The following GYG2 variants were observed in gnomAD, a reference collection of about 807,000 sequenced individuals.
The protein encoded by GYG2 is glycogenin-2.
Under a neutral mutation model 29.4 loss-of-function variants are expected in GYG2, and 29 were observed. The ratio of observed to expected loss-of-function variants is 0.99; its 90% CI spans 0.74 to 1.35. The LOEUF is 1.35. Ranked by LOEUF, GYG2 falls within the 40% of genes most tolerant of loss-of-function variation. The pLI is 0.00. For synonymous variants in GYG2, 167 were observed against 172.3 expected, an observed-to-expected ratio of 0.97 and a Z score of 0.24; for missense variants, 370 against 385.7, an observed-to-expected ratio of 0.96 and a Z score of 0.34.
Position 2,861,526 on chromosome X carries a change from G to A in GYG2, c.842G>A (p.Cys281Tyr), listed in dbSNP as rs951388045. Residue 281 changes from cysteine to tyrosine, a missense_variant, in exon 8 of 11, where the codon TGC becomes TAC. Coordinates refer to ENST00000398806, the MANE Select transcript of GYG2 (RefSeq NM_001079855.2). ...CACGTGTGTGTTTTTGTGCAGCTTT[G>A]CCACAGTGATGTGGGGGGGCCGTGT... is the stretch of plus-strand genomic sequence containing the variant. ...EARASPGHTLCHSDVGGPCAD... is the reference protein window; with the variant it reads ...EARASPGHTLYHSDVGGPCAD... 8.3e-7 allele frequency: 1 copy of A among 1,203,383 alleles called. No individual in the cohort carries two copies. Among genetic ancestry groups the A allele is most frequent in the African/African-American group, 1.7e-5 (1 of 57,667 alleles).
chrX:2,861,616 G>A lies in GYG2; in HGVS notation c.932G>A (p.Cys311Tyr), dbSNP rs1254279929. Residue 311 changes from cysteine (C) to tyrosine (Y), a missense_variant, in exon 8 of 11, where the codon TGT becomes TAT. Coordinates refer to ENST00000398806, the MANE Select transcript of GYG2 (RefSeq NM_001079855.2). ...ENSTPSAGVPCANSPLGSNQP... is the reference protein window; with the variant it reads ...ENSTPSAGVPYANSPLGSNQP... ...TCAACACCCAGTGCGGGCGTGCCGT[G>A]TGCAAATTCACCACTGGGTTCTAAC... The A allele has an allele frequency of 3.3e-6, 4 of 1,207,120 alleles. No individual in the cohort carries two copies. Among genetic ancestry groups the A allele is most frequent in the South Asian group, 3.5e-5 (2 of 56,413 alleles).
At chrX:2,849,305 A>T (rs1330463168) in intron 3 of GYG2, among the ~76,000 whole-genome samples, 2 of 111,478 alleles carry the variant, frequency 1.8e-5, no homozygotes, top group Non-Finnish European at 3.8e-5. Context: ...GATTTGCTGA[A>T]GGAAGGGTAC....
intron 8 of GYG2, among the ~76,000 whole-genome samples, chrX:2,871,689 CAAATAAATAAAT>C (rs200105400): frequency 0.03 from 3,012 of 99,964 alleles, 115 homozygotes; most frequent in African/African-American, 0.095. Context: ...GACTCCGTCT[CAAATAAATAAAT>C]AAATAAATAA....
chrX:2,851,853 G>T (rs2087879703), intron 3 of GYG2, among the ~76,000 whole-genome samples: 1 of 112,261 alleles, frequency 8.9e-6, no homozygotes, highest in African/African-American at 3.2e-5. Flanking sequence ...TTACTATAGT[G>T]TTTGCCTAAT....
chrX:2,877,068 C>A, intron 9 of GYG2, 132 bp from the exon 10 acceptor site: 1 of 872,396 alleles, frequency 1.1e-6, no homozygotes, highest in Non-Finnish European at 1.6e-6. Flanking sequence ...CAGGCATGAG[C>A]CACCGCGCCT....
intron 3 of GYG2, among the ~76,000 whole-genome samples, chrX:2,847,355 A>G (rs559493520): frequency 2.7e-5 from 3 of 110,495 alleles, no homozygotes; most frequent in African/African-American, 6.6e-5. Flanking sequence ...GAGAAAGTCA[A>G]TGATAAGATC....
chrX:2,860,128 G>C (rs1369642730), intron 7 of GYG2, 63 bp downstream of exon 7: 2 of 711,869 alleles, frequency 2.8e-6, no homozygotes, highest in African/African-American at 4.4e-5. Context: ...TGTCACCAAG[G>C]TCTGGCGTGG....
chrX:2,842,870 A>G, intron 2 of GYG2: 1 of 281,266 alleles, frequency 3.6e-6, no homozygotes, highest in Admixed American at 5.2e-5. Context: ...GCTGGAGTAC[A>G]GTGGTGCAAT....
rs2088115721 is a variant in GYG2, at chrX:2,859,903, G to A, written c.675G>A (p.Lys225=). The change falls in exon 7 of 11, where the codon AAG becomes AAA. Residue 225 remains lysine (K), a synonymous_variant. Transcript: ENST00000398806. ...FLGSMKPWNY[K]YNPQSGSVLE... Reference sequence around the variant, plus strand: ...GGTCCATGAAACCTTGGAACTACAAGTACAATCCACAGAGTGGCTCGGTGT... The same window carrying A: ...GGTCCATGAAACCTTGGAACTACAAATACAATCCACAGAGTGGCTCGGTGT... The A allele has an allele frequency of 8.3e-7, 1 of 1,204,555 alleles. No homozygotes were observed.
intron 2 of GYG2, among the ~76,000 whole-genome samples, chrX:2,834,061 C>G (rs2034126081): frequency 1.8e-5 from 2 of 112,395 alleles, no homozygotes; most frequent in Admixed American, 1.9e-4. Flanking sequence ...TCCTGTGGGT[C>G]CTTGTTCTCC....
chrX:2,873,516 C>T (rs2088523085), intron 8 of GYG2, among the ~76,000 whole-genome samples: 1 of 108,703 alleles, frequency 9.2e-6, no homozygotes, highest in Admixed American at 9.9e-5. Context: ...CTGTTTTCTC[C>T]TCCTCCTCCT....
intron 8 of GYG2, among the ~76,000 whole-genome samples, chrX:2,863,097 C>T (rs1280376633): frequency 1.9e-5 from 2 of 103,940 alleles, no homozygotes; most frequent in African/African-American, 3.5e-5. Context: ...TTTTTTGAGG[C>T]GGAGTCTCTC....
At chrX:2,833,355 T>A (rs1274755102) in intron 2 of GYG2, among the ~76,000 whole-genome samples, 2 of 111,056 alleles carry the variant, frequency 1.8e-5, no homozygotes, top group African/African-American at 3.3e-5. Context: ...CATCTTCAAA[T>A]GCAGACACAT....
chrX:2,855,242 C>A, intron 5 of GYG2, 87 bp downstream of exon 5: 1 of 821,318 alleles, frequency 1.2e-6, no homozygotes, highest in Non-Finnish European at 1.8e-6. Flanking sequence ...GTTGACCATA[C>A]AGTCACACCT....
At chrX:2,856,399 G>A (rs904414897) in intron 5 of GYG2, 99 bp from the exon 6 acceptor site, 2 of 717,027 alleles carry the variant, frequency 2.8e-6, no homozygotes, top group African/African-American at 4.2e-5. Flanking sequence ...TAACCCTGAA[G>A]GCAAGTGTTT....
chrX:2,881,001 C>G (rs1466099220), intron 10 of GYG2, 51 bp from the exon 11 acceptor site: 1 of 1,151,621 alleles, frequency 8.7e-7, no homozygotes, highest in African/African-American at 1.8e-5. Flanking sequence ...CAGTCTTTCC[C>G]TCGATAATGG....
At chrX:2,867,059 C>T (rs1332177507) in intron 8 of GYG2, among the ~76,000 whole-genome samples, 3 of 111,593 alleles carry the variant, frequency 2.7e-5, no homozygotes, top group African/African-American at 6.5e-5. Context: ...CAGGTAGAAG[C>T]TGTCCCTGTC....
intron 8 of GYG2, among the ~76,000 whole-genome samples, chrX:2,869,998 GTAT>G (rs72095666): frequency 0.018 from 2,032 of 111,235 alleles, 60 homozygotes; most frequent in African/African-American, 0.062. Context: ...ATACATTAAT[GTAT>G]TAAGGAAAAA....
intron 10 of GYG2, among the ~76,000 whole-genome samples, chrX:2,880,123 G>A (rs761047300): frequency 2.7e-5 from 3 of 110,795 alleles, no homozygotes; most frequent in Non-Finnish European, 5.7e-5. Flanking sequence ...TAAAGCAAAT[G>A]TATTTGTTCT....
Sources: allele counts gnomAD v4.1 joint callset (sites outside exome capture counted in the v4.1 genomes callset), GRCh38; gene constraint gnomAD v4.1.1; transcripts MANE v1.5; gene names NCBI Gene and HGNC (gene_info 2026-07-23, HGNC 2026-07-21).